Variants in FSTL5 observed in about 807,000 individuals in gnomAD.
FSTL5 encodes follistatin-related protein 5.
Under a neutral mutation model 89.1 loss-of-function variants are expected in FSTL5, and 62 were observed. That is an observed-to-expected ratio of 0.70 (90% CI 0.57 to 0.86). The LOEUF (loss-of-function observed/expected upper bound fraction) is 0.86. Ranked by LOEUF, FSTL5 falls within the 40% of genes least tolerant of loss-of-function variation. The probability of loss-of-function intolerance (pLI) is 0.00; values close to 1 mark genes in which losing one functional copy is unlikely to be tolerated. For synonymous variants in FSTL5, 383 were observed against 346.2 expected (o/e 1.11, Z -1.18); for missense variants, 1,057 against 1,001.6 (o/e 1.06, Z -0.75).
chr4:161,811,754 G>T, intron 4 of FSTL5, among the ~76,000 whole-genome samples: 1 of 152,034 alleles, frequency 6.6e-6, no homozygotes, highest in East Asian at 1.9e-4. Context: ...AAAATTTTAT[G>T]CGCAATAATT....
intron 3 of FSTL5, among the ~76,000 whole-genome samples, chr4:162,005,160 G>A (rs556390946): frequency 6.6e-6 from 1 of 152,074 alleles, no homozygotes; most frequent in African/African-American, 2.4e-5. Flanking sequence ...GTTTTCACCT[G>A]TGTTGTTCTG....
chr4:161,783,757 T>C (rs372016017), intron 4 of FSTL5, among the ~76,000 whole-genome samples: 134 of 108,666 alleles, frequency 1.2e-3, no homozygotes, highest in Middle Eastern at 8.7e-3. Flanking sequence ...TCTTTCTTTC[T>C]TTCCTTCTTT....
At chr4:161,754,058 A>AAAAG (rs1740493117) in intron 6 of FSTL5, among the ~76,000 whole-genome samples, 1 of 150,566 alleles carries the variant, frequency 6.6e-6, no homozygotes, top group Non-Finnish European at 1.5e-5. Context: ...AAAAAAAAAA[A>AAAAG]AAAAAAAGAA....
intron 3 of FSTL5, among the ~76,000 whole-genome samples, chr4:161,927,099 T>A (rs930484589): frequency 6.6e-4 from 101 of 151,916 alleles, no homozygotes; most frequent in African/African-American, 2.3e-3. Flanking sequence ...AAAAAAGTGA[T>A]TTTTTTGCTA....
intron 5 of FSTL5, among the ~76,000 whole-genome samples, chr4:161,768,496 G>A (rs927289519): frequency 6.6e-6 from 1 of 151,904 alleles, no homozygotes; most frequent in Non-Finnish European, 1.5e-5. Flanking sequence ...TATCTAGGGT[G>A]TAAGGAAGGC....
intron 3 of FSTL5, among the ~76,000 whole-genome samples, chr4:161,961,143 G>A (rs1735163764): frequency 6.6e-6 from 1 of 151,896 alleles, no homozygotes. Context: ...AGAGATGAGG[G>A]CTTCTCTGTC....
chr4:161,762,564 C>G (rs1166391117), intron 5 of FSTL5, among the ~76,000 whole-genome samples: 2 of 152,086 alleles, frequency 1.3e-5, no homozygotes, highest in Non-Finnish European at 2.9e-5. Context: ...ACTTCATTAT[C>G]TCATGCTATT....
intron 3 of FSTL5, among the ~76,000 whole-genome samples, chr4:161,968,349 T>C (rs778678682): frequency 1.4e-4 from 22 of 151,980 alleles, no homozygotes; most frequent in Non-Finnish European, 2.4e-4. Context: ...AAATGCAATG[T>C]CTTTAAAAAA....
intron 7 of FSTL5, among the ~76,000 whole-genome samples, chr4:161,640,817 C>G (rs1460119259): frequency 7.5e-6 from 1 of 133,662 alleles, no homozygotes; most frequent in Non-Finnish European, 1.5e-5. Flanking sequence ...TCCACAAACT[C>G]CAAGTAAGAT....
chr4:161,600,472 C>A (rs191789199), intron 7 of FSTL5, among the ~76,000 whole-genome samples: 2 of 151,396 alleles, frequency 1.3e-5, no homozygotes, highest in South Asian at 2.1e-4. Context: ...CTACATAAAC[C>A]GTTGGGTTTG....
intron 11 of FSTL5, among the ~76,000 whole-genome samples, chr4:161,500,685 T>C (rs914725428): frequency 1.3e-5 from 2 of 152,192 alleles, no homozygotes; most frequent in African/African-American, 2.4e-5. Flanking sequence ...AGTTTTAATA[T>C]TGGCAATTTG....
At chr4:161,604,166 T>C (rs1190444765) in intron 7 of FSTL5, among the ~76,000 whole-genome samples, 1 of 152,170 alleles carries the variant, frequency 6.6e-6, no homozygotes, top group Non-Finnish European at 1.5e-5. Context: ...CTTTTCAACA[T>C]GTTACTGGGT....
chr4:162,151,343 C>T (rs1348886841), intron 1 of FSTL5, among the ~76,000 whole-genome samples: 1 of 150,588 alleles, frequency 6.6e-6, no homozygotes, highest in Non-Finnish European at 1.5e-5. Flanking sequence ...GAGACACGGT[C>T]CTTGGTATGA....
intron 7 of FSTL5, among the ~76,000 whole-genome samples, chr4:161,606,336 C>T (rs1051455901): frequency 6.8e-6 from 1 of 146,944 alleles, no homozygotes; most frequent in Admixed American, 7.0e-5. Flanking sequence ...CTCCGACTGA[C>T]TACCGGCTTC....
At chr4:161,584,505 T>A (rs993545278) in intron 8 of FSTL5, among the ~76,000 whole-genome samples, 14 of 152,196 alleles carry the variant, frequency 9.2e-5, no homozygotes, top group African/African-American at 3.4e-4. Flanking sequence ...GATGATCATA[T>A]CTGTAACTTT....
intron 6 of FSTL5, among the ~76,000 whole-genome samples, chr4:161,665,331 T>A (rs926326087): frequency 6.6e-5 from 10 of 152,098 alleles, no homozygotes; most frequent in Non-Finnish European, 8.8e-5. Flanking sequence ...AAGCTCCGCC[T>A]CCCAGGTTCA....
intron 1 of FSTL5, among the ~76,000 whole-genome samples, chr4:162,161,757 T>C (rs72988825): frequency 0.052 from 7,937 of 152,036 alleles, 429 homozygotes; most frequent in African/African-American, 0.13. Context: ...AAAATTAAGA[T>C]ATGTATTCAT....
intron 6 of FSTL5, among the ~76,000 whole-genome samples, chr4:161,720,498 T>C (rs1412299221): frequency 1.3e-5 from 2 of 152,110 alleles, no homozygotes; most frequent in Non-Finnish European, 2.9e-5. Flanking sequence ...GATCTAGCAA[T>C]CCCACTTCTC....
At chr4:161,989,161 T>G (rs1263716417) in intron 3 of FSTL5, among the ~76,000 whole-genome samples, 1 of 152,092 alleles carries the variant, frequency 6.6e-6, no homozygotes, top group African/African-American at 2.4e-5. Flanking sequence ...AATAAAAGCT[T>G]GGAAGAAATA....
Sources: allele counts gnomAD v4.1 joint callset (sites outside exome capture counted in the v4.1 genomes callset), GRCh38; gene constraint gnomAD v4.1.1; transcripts MANE v1.5; gene names NCBI Gene and HGNC (gene_info 2026-07-23, HGNC 2026-07-21).